NEK10: variants seen among roughly 807,000 people sequenced by gnomAD.
NEK10 encodes the protein NIMA related kinase 10.
NEK10 carries 122 observed loss-of-function variants against 159.8 expected under a neutral mutation model. That is an observed-to-expected ratio of 0.76 (90% CI 0.66 to 0.89). The LOEUF is 0.89. NEK10 is among the 40% of genes least tolerant of loss of function. NEK10 has a pLI of 0.00. For synonymous variants in NEK10, 466 were observed against 457.1 expected, an observed-to-expected ratio of 1.02 and a Z score of -0.25; for missense variants, 1,342 against 1,323.1, an observed-to-expected ratio of 1.01 and a Z score of -0.22.
intron 5 of NEK10, among the ~76,000 whole-genome samples, chr3:27,339,614 A>C (rs569168936): frequency 2.4e-4 from 37 of 152,190 alleles, no homozygotes; most frequent in African/African-American, 8.4e-4. Context: ...TCCTGACTCT[A>C]CTAAAAATAC....
intron 10 of NEK10, among the ~76,000 whole-genome samples, chr3:27,308,643 ATAT>A (rs2044431162): frequency 6.6e-6 from 1 of 152,230 alleles, no homozygotes; most frequent in Non-Finnish European, 1.5e-5. Context: ...TGCCAAAGAA[ATAT>A]TATGGTAATT....
chr3:27,214,950 A>G, intron 23 of NEK10: 1 of 853,414 alleles, frequency 1.2e-6, no homozygotes, highest in South Asian at 1.4e-5. Context: ...CTAATCCAAA[A>G]CCAGTGCCTA....
intron 26 of NEK10, among the ~76,000 whole-genome samples, chr3:27,178,566 CT>C (rs1403700787): frequency 3.3e-5 from 5 of 152,336 alleles, no homozygotes; most frequent in Non-Finnish European, 4.4e-5. Flanking sequence ...ATTCATCCAG[CT>C]GAGGTGATCT....
At chr3:27,174,301 T>C (rs1947293539) in intron 28 of NEK10, 138 bp downstream of exon 28, 2 of 1,333,146 alleles carry the variant, frequency 1.5e-6, no homozygotes, top group Non-Finnish European at 2.1e-6. Flanking sequence ...GACAGACACA[T>C]CTGTCCTAAT....
At position 27,172,074 on chromosome 3, in the gene NEK10, C is replaced by T. The variant is rs142861365; in HGVS notation, c.2777-201G>A. ...AGGTTCTCGGCCGGGTGTGGTGGCT[C>T]ACACCTGTAATCCCAGCACTTTGTG... is the stretch of plus-strand genomic sequence containing the variant. On this transcript the variant is annotated intron_variant, in intron 28 of 35. Coordinates refer to ENST00000691995, the MANE Select transcript of NEK10 (RefSeq NM_001394966.1). Among the ~76,000 whole-genome samples, 768 of 152,058 alleles carry T rather than the reference C, an allele frequency of 5.1e-3. 7 individuals carry two copies. The highest frequency in any genetic ancestry group is 0.018 in the African/African-American group (751 of 41,484).
intron 30 of NEK10, among the ~76,000 whole-genome samples, chr3:27,151,797 T>C (rs530638824): frequency 3.9e-5 from 6 of 152,272 alleles, no homozygotes; most frequent in African/African-American, 9.6e-5. Flanking sequence ...GGGAAATAGA[T>C]AGTTTAAAGT....
Position 27,256,305 on chromosome 3 carries a change from A to C in NEK10, c.2081T>G (p.Leu694Arg), listed in dbSNP as rs1349747299. The change falls in exon 23 of 36, where the codon CTG (leucine) becomes CGG (arginine). Residue 694 changes from leucine (L) to arginine (R), a missense_variant. Physicochemically the swap from Leu to Arg is moderately radical, Grantham distance 102. Transcript: ENST00000691995. Reference sequence around the variant, plus strand: ...AAAGAATTGTCCTTACCAAGAATACAGGATTGTTCCAACCACAGAGGTGAG... The same window carrying C: ...AAAGAATTGTCCTTACCAAGAATACCGGATTGTTCCAACCACAGAGGTGAG... ...SKLTSVVGTI[L>R]YSCPEVLKSE... The C allele has an allele frequency of 6.6e-7, 1 of 1,515,614 alleles. No individual in the cohort carries two copies. Among genetic ancestry groups the C allele is most frequent in the Admixed American group, 2.1e-5 (1 of 46,812 alleles). The allele number at this position is 1,515,614 out of a possible 1,614,324, so 93.9% of individuals were successfully genotyped here.
rs983257327 is a variant in NEK10, at chr3:27,109,456, T to C, written c.*1816A>G. ...GGTCAATAAGGCCAACTATATACAC[T>C]TTAAAACATCTTCAAGTAAACCATT... is the stretch of plus-strand genomic sequence containing the variant. On this transcript the variant is annotated 3_prime_UTR_variant, in exon 36 of 36. Coordinates refer to ENST00000691995, the MANE Select transcript of NEK10 (RefSeq NM_001394966.1). Among the ~76,000 whole-genome samples, 14 of 151,714 alleles carry C rather than the reference T, an allele frequency of 9.2e-5. No individual in the cohort carries two copies. Among genetic ancestry groups the C allele is most frequent in the African/African-American group, 3.4e-4 (14 of 41,312 alleles).
Position 27,109,944 on chromosome 3 carries a change from T to C in NEK10, c.*1328A>G, listed in dbSNP as rs1187471436. ...TTGGATATAATTTAAGTATTAAATA[T>C]GCTCATTTAAAAATAGTGTAGATTT... On this transcript the variant is annotated 3_prime_UTR_variant, in exon 36 of 36. Transcript: ENST00000691995. 1.3e-5 allele frequency: 2 copies of C among 152,204 alleles called. No individual in the cohort carries two copies. The highest frequency in any genetic ancestry group is 2.9e-5 in the Non-Finnish European group (2 of 68,038). The allele number at this position is 152,204 out of a possible 1,614,324, so 9.4% of individuals were successfully genotyped here.
intron 9 of NEK10, chr3:27,309,803 T>C (rs1274629652): frequency 5.3e-5 from 8 of 152,224 alleles, no homozygotes; most frequent in Admixed American, 5.2e-4. Context: ...CTAAACAAGA[T>C]ATGAATACTA....
At chr3:27,301,300 C>A (rs1225073564) in intron 13 of NEK10, among the ~76,000 whole-genome samples, 1 of 152,190 alleles carries the variant, frequency 6.6e-6, no homozygotes, top group African/African-American at 2.4e-5. Flanking sequence ...TCTCTTGCAC[C>A]TGGTGAGACA....
At chr3:27,233,739 A>T (rs1224125607) in intron 23 of NEK10, among the ~76,000 whole-genome samples, 3 of 152,104 alleles carry the variant, frequency 2.0e-5, no homozygotes, top group Non-Finnish European at 4.4e-5. Flanking sequence ...AAAAAATTTT[A>T]AAGGAGGAAC....
intron 16 of NEK10, 87 bp downstream of exon 16, chr3:27,293,501 T>A: frequency 3.2e-6 from 2 of 629,688 alleles, no homozygotes; most frequent in Non-Finnish European, 5.5e-6. Flanking sequence ...ATTTTCCTTC[T>A]GTTGCATCTA....
intron 31 of NEK10, among the ~76,000 whole-genome samples, chr3:27,135,999 C>T (rs1431909008): frequency 6.6e-6 from 1 of 151,572 alleles, no homozygotes; most frequent in East Asian, 1.9e-4. Flanking sequence ...CAACACATTG[C>T]TATTCTGAAC....
intron 25 of NEK10, 59 bp downstream of exon 25, chr3:27,201,451 T>A: frequency 1.1e-5 from 15 of 1,364,908 alleles, no homozygotes; most frequent in Non-Finnish European, 1.6e-5. Context: ...AGTGATTTAT[T>A]ATAGAAATGA....
intron 23 of NEK10, among the ~76,000 whole-genome samples, chr3:27,206,271 C>T (rs190772517): frequency 1.6e-3 from 244 of 152,304 alleles, no homozygotes; most frequent in African/African-American, 5.5e-3. Flanking sequence ...GTACTAGTCA[C>T]TCTTCTACCT....
intron 25 of NEK10, among the ~76,000 whole-genome samples, chr3:27,192,637 A>T (rs1949220897): frequency 6.6e-6 from 1 of 151,494 alleles, no homozygotes; most frequent in South Asian, 2.1e-4. Context: ...ACCTTTCATT[A>T]GTGTGGATAT....
chr3:27,321,542 ACGTGCCT>A (rs2045637012), intron 6 of NEK10, among the ~76,000 whole-genome samples: 1 of 151,956 alleles, frequency 6.6e-6, no homozygotes, highest in Non-Finnish European at 1.5e-5. Context: ...ACATGGTGGC[ACGTGCCT>A]GTAGTCCCAG....
chr3:27,251,425 G>A (rs573706355), intron 23 of NEK10, among the ~76,000 whole-genome samples: 3 of 152,278 alleles, frequency 2.0e-5, no homozygotes, highest in Middle Eastern at 6.8e-3. Flanking sequence ...TAGTGCTGTT[G>A]TTCTGACAGT....
Sources: allele counts gnomAD v4.1 joint callset (sites outside exome capture counted in the v4.1 genomes callset), GRCh38; gene constraint gnomAD v4.1.1; transcripts MANE v1.5; gene names NCBI Gene and HGNC (gene_info 2026-07-23, HGNC 2026-07-21).